ZNF410: variants seen among roughly 807,000 people sequenced by gnomAD.
ZNF410 encodes the protein zinc finger protein 410, also known as another partner for ARF 1.
ZNF410 carries 18 observed loss-of-function variants against 54.8 expected under a neutral mutation model. The observed-to-expected ratio is 0.33, with a 90% CI of 0.23 to 0.49. The LOEUF is 0.49. Ranked by LOEUF, ZNF410 falls within the 20% of genes least tolerant of loss-of-function variation. ZNF410 has a pLI of 0.99. For synonymous variants in ZNF410, 191 were observed against 207.3 expected (o/e 0.92, Z 0.68); for missense variants, 405 against 569.6 (o/e 0.71, Z 2.94).
intron 11 of ZNF410, among the ~76,000 whole-genome samples, chr14:73,928,454 T>C (rs749833408): frequency 1.4e-4 from 21 of 152,278 alleles, no homozygotes; most frequent in Non-Finnish European, 3.1e-4. Flanking sequence ...GATTTTATCC[T>C]GGGGGCACTG....
At chr14:73,920,746 G>GA in intron 8 of ZNF410, 1 of 478,554 alleles carries the variant, frequency 2.1e-6, no homozygotes, top group Non-Finnish European at 3.8e-6. Context: ...CAGCATTACA[G>GA]AAGGTCTGGA....
At position 73,904,118 on chromosome 14, in the gene ZNF410, A is replaced by C; in HGVS notation, c.731+8A>C. 1 of 1,611,610 alleles carries C rather than the reference A, an allele frequency of 6.2e-7. No homozygotes were observed. The highest frequency in any genetic ancestry group is 8.5e-7 in the Non-Finnish European group (1 of 1,178,822). ...CCACCTCAAGACTCATCGGTGAGCAAATCCGAGATCTCATATTTGGATATA... is the reference window on the plus strand; with the variant it reads ...CCACCTCAAGACTCATCGGTGAGCACATCCGAGATCTCATATTTGGATATA... On this transcript the variant is annotated splice_region_variant and intron_variant, in intron 6 of 11. Transcript: ENST00000555044.
At chr14:73,905,942 T>TACACACACACAC (rs1322750179) in intron 7 of ZNF410, among the ~76,000 whole-genome samples, 1 of 89,470 alleles carries the variant, frequency 1.1e-5, no homozygotes, top group African/African-American at 6.2e-5. Context: ...CATACATATA[T>TACACACACACAC]ATACACACAC....
At position 73,931,570 on chromosome 14, in the gene ZNF410, C is replaced by T; in HGVS notation, c.*29C>T. ...TGGGTGCTGACTCCTGGAAGAGCAA[C>T]TCTATCTGATCTCAAAATGCGTATA... On this transcript the variant is annotated 3_prime_UTR_variant, in exon 12 of 12. Transcript: ENST00000555044. The T allele has an allele frequency of 6.2e-7, 1 of 1,607,080 alleles. No homozygotes were observed. Among genetic ancestry groups the T allele is most frequent in the Non-Finnish European group, 8.5e-7 (1 of 1,175,862 alleles).
intron 3 of ZNF410, 127 bp downstream of exon 3, chr14:73,894,059 G>A (rs1380506062): frequency 1.6e-6 from 2 of 1,230,440 alleles, no homozygotes; most frequent in East Asian, 2.4e-5. Flanking sequence ...TAGGAGTCAT[G>A]GAGAAAAAGC....
At chr14:73,890,290 G>T (rs1023148410) in intron 1 of ZNF410, among the ~76,000 whole-genome samples, 1 of 151,750 alleles carries the variant, frequency 6.6e-6, no homozygotes, top group Admixed American at 6.6e-5. Context: ...TCGGGTTCAA[G>T]CGATTCTCCT....
intron 2 of ZNF410, 55 bp from the exon 3 acceptor site, chr14:73,893,742 T>TTTAG: frequency 6.4e-7 from 1 of 1,556,224 alleles, no homozygotes; most frequent in Non-Finnish European, 8.7e-7. Flanking sequence ...AATTCAAAGG[T>TTTAG]TTAGATACAT....
At position 73,904,197 on chromosome 14, in the gene ZNF410, T is replaced by C. The variant is rs1015106495; in HGVS notation, c.731+87T>C. 4.7e-6 allele frequency: 7 copies of C among 1,483,072 alleles called. No individual in the cohort carries two copies. In the African/African-American group the frequency reaches 7.0e-5, roughly 15 times the overall value. The allele number at this position is 1,483,072 out of a possible 1,614,324, so 91.9% of individuals were successfully genotyped here. The stretch of plus-strand genomic sequence containing the variant: ...GGAACTTGCCCCTCAGGTTGACAAA[T>C]TACAGGAAAGTAGGGACTCCAGTTA... On this transcript the variant is annotated intron_variant, in intron 6 of 11. Coordinates refer to ENST00000555044, the MANE Select transcript of ZNF410 (RefSeq NM_021188.3).
chr14:73,889,459 A>G (rs928768548), intron 1 of ZNF410, among the ~76,000 whole-genome samples: 2 of 147,950 alleles, frequency 1.4e-5, no homozygotes, highest in Admixed American at 6.7e-5. Flanking sequence ...AAAAAGAAAT[A>G]GGGTCTCACT....
chr14:73,924,408 G>A (rs1306398054), intron 11 of ZNF410, among the ~76,000 whole-genome samples: 1 of 152,150 alleles, frequency 6.6e-6, no homozygotes, highest in Non-Finnish European at 1.5e-5. Context: ...ATGGCCTGGG[G>A]GTTGGTGACT....
chr14:73,921,134 G>A (rs777665004), intron 9 of ZNF410, 29 bp downstream of exon 9: 28 of 1,611,216 alleles, frequency 1.7e-5, no homozygotes, highest in Non-Finnish European at 2.4e-5. Context: ...GTGGAACGCT[G>A]TACTACTTCT....
intron 9 of ZNF410, 155 bp downstream of exon 9, chr14:73,921,260 T>C: frequency 1.2e-6 from 1 of 855,066 alleles, no homozygotes; most frequent in Non-Finnish European, 1.7e-6. Flanking sequence ...AACATAGCTA[T>C]ACAGTAGAAT....
chr14:73,924,089 C>T (rs1215542903), intron 11 of ZNF410, among the ~76,000 whole-genome samples: 1 of 152,146 alleles, frequency 6.6e-6, no homozygotes, highest in Non-Finnish European at 1.5e-5. Flanking sequence ...ACCAAATGGG[C>T]ATATACAGAT....
At chr14:73,910,643 C>T (rs1044647837) in intron 8 of ZNF410, among the ~76,000 whole-genome samples, 4 of 151,036 alleles carry the variant, frequency 2.6e-5, no homozygotes, top group Admixed American at 2.0e-4. Context: ...ATCCCAGCTA[C>T]TTGGGAGGCT....
chr14:73,898,417 A>T (rs1169006818), intron 5 of ZNF410, 155 bp downstream of exon 5: 1 of 899,116 alleles, frequency 1.1e-6, no homozygotes, highest in African/African-American at 1.7e-5. Flanking sequence ...TTTCTATAAA[A>T]TAACTTGGTC....
chr14:73,892,196 A>T lies in ZNF410; in HGVS notation c.21A>T (p.Glu7Asp). 1 of 1,613,736 alleles carries T rather than the reference A, an allele frequency of 6.2e-7. No homozygotes were observed. The highest frequency in any genetic ancestry group is 1.1e-5 in the South Asian group (1 of 91,010). MLSDEL[E>D]SKPELLVQFV... ...AATCAATGTTATCAGATGAGTTAGA[A>T]TCCAAACCAGAGGTGAGCCCAGTCA... The change falls in exon 2 of 12, where the codon GAA becomes GAT. Residue 7 changes from glutamate (E) to aspartate (D), a missense_variant. Around this residue, in one of 3 missense-constraint regions of ZNF410, gnomAD observed 247 missense variants for 342.8 expected, o/e 0.72. Coordinates refer to ENST00000555044, the MANE Select transcript of ZNF410 (RefSeq NM_021188.3).
At chr14:73,912,406 C>T (rs370637484) in intron 8 of ZNF410, among the ~76,000 whole-genome samples, 1 of 152,026 alleles carries the variant, frequency 6.6e-6, no homozygotes, top group South Asian at 2.1e-4. Flanking sequence ...ACCTCAAGTG[C>T]TCTGCCTGCC....
intron 8 of ZNF410, among the ~76,000 whole-genome samples, chr14:73,918,580 G>T (rs11624713): frequency 0.62 from 93,582 of 151,212 alleles, 29,511 homozygotes; most frequent in South Asian, 0.72. Context: ...AGAAAAAGAA[G>T]TCCCATTATT....
At chr14:73,928,769 TC>T (rs2055870043) in intron 11 of ZNF410, among the ~76,000 whole-genome samples, 1 of 151,964 alleles carries the variant, frequency 6.6e-6, no homozygotes, top group Non-Finnish European at 1.5e-5. Flanking sequence ...CAGAGCAAGA[TC>T]CTGTCTCTAC....
Sources: allele counts gnomAD v4.1 joint callset (sites outside exome capture counted in the v4.1 genomes callset), GRCh38; gene constraint gnomAD v4.1.1; regional missense constraint gnomAD v4.1.1; transcripts MANE v1.5; gene names NCBI Gene and HGNC (gene_info 2026-07-23, HGNC 2026-07-21).